COL4A6: variants seen among roughly 807,000 people sequenced by gnomAD.
COL4A6 encodes the protein collagen alpha-6(IV) chain.
In COL4A6, 59 loss-of-function variants were observed where a neutral mutation model predicts 126.7. The ratio of observed to expected loss-of-function variants is 0.47; its 90% CI spans 0.38 to 0.58. The LOEUF (loss-of-function observed/expected upper bound fraction) is 0.58, where lower values mean the gene tolerates loss of function less well. Among genes scored for constraint, COL4A6 ranks in the 20% least tolerant of loss-of-function variants. COL4A6 has a pLI of 0.00. For synonymous variants in COL4A6, 547 were observed against 496.6 expected (o/e 1.10, Z -1.35); for missense variants, 1,285 against 1,337.3 (o/e 0.96, Z 0.61).
intron 2 of COL4A6, among the ~76,000 whole-genome samples, chrX:108,370,934 T>C (rs758722238): frequency 9.0e-6 from 1 of 111,524 alleles, no homozygotes; most frequent in Admixed American, 9.5e-5. Flanking sequence ...ACTGTGCCTT[T>C]GTATGGTCCA....
At chrX:108,437,792 G>T in intron 2 of COL4A6, 150 bp downstream of exon 2, 2 of 593,645 alleles carry the variant, frequency 3.4e-6, no homozygotes, top group East Asian at 3.5e-5. Context: ...TTCCTCTCAA[G>T]AATCTCATTA....
chrX:108,399,261 T>C lies in COL4A6; in HGVS notation c.63+38681A>G, dbSNP rs5973829. 3.4e-3 allele frequency among the ~76,000 whole-genome samples: 378 copies of C among 111,487 alleles called. 2 individuals carry two copies. The highest frequency in any genetic ancestry group is 0.012 in the African/African-American group (365 of 30,754). ...TTTTACGAACTCATTCAGTTTAATT[T>C]AACAAACACGTATGAAATGCCCACT... On this transcript the variant is annotated intron_variant, in intron 2 of 44. Coordinates refer to ENST00000334504, the MANE Select transcript of COL4A6 (RefSeq NM_033641.4).
At chrX:108,436,138 A>T (rs2064263219) in intron 2 of COL4A6, among the ~76,000 whole-genome samples, 1 of 112,623 alleles carries the variant, frequency 8.9e-6, no homozygotes, top group Non-Finnish European at 1.9e-5. Flanking sequence ...AATGTCAAAG[A>T]TATTTTGCAT....
At chrX:108,208,018 G>A (rs1178075821) in intron 8 of COL4A6, among the ~76,000 whole-genome samples, 1 of 111,436 alleles carries the variant, frequency 9.0e-6, no homozygotes, top group Admixed American at 9.5e-5. Context: ...TTTTAAAAAA[G>A]CAAAAGTTAT....
At chrX:108,232,777 T>C (rs141389230) in intron 3 of COL4A6, among the ~76,000 whole-genome samples, 31 of 111,605 alleles carry the variant, frequency 2.8e-4, no homozygotes, top group African/African-American at 4.2e-4. Context: ...ATTTCCTAGG[T>C]TGCTTTGAGC....
intron 2 of COL4A6, among the ~76,000 whole-genome samples, chrX:108,311,198 T>C (rs766288328): frequency 8.9e-6 from 1 of 111,999 alleles, no homozygotes; most frequent in East Asian, 2.8e-4. Flanking sequence ...AAGAAGTAGC[T>C]GTAGCAGATA....
intron 2 of COL4A6, among the ~76,000 whole-genome samples, chrX:108,331,704 G>A (rs931843376): frequency 9.0e-6 from 1 of 111,432 alleles, no homozygotes; most frequent in African/African-American, 3.3e-5. Flanking sequence ...AAGAGATGAC[G>A]TTGCTGTCTA....
intron 2 of COL4A6, among the ~76,000 whole-genome samples, chrX:108,315,412 G>T (rs113456880): frequency 0.012 from 1,364 of 111,461 alleles, 31 homozygotes; most frequent in African/African-American, 0.042. Flanking sequence ...GCTAATTTTT[G>T]TATTTTTAGT....
At chrX:108,228,479 T>C (rs759833678) in intron 3 of COL4A6, among the ~76,000 whole-genome samples, 28 of 112,233 alleles carry the variant, frequency 2.5e-4, no homozygotes, top group Non-Finnish European at 4.5e-4. Context: ...TCAAGGAACA[T>C]TTAAGCTTGT....
intron 2 of COL4A6, among the ~76,000 whole-genome samples, chrX:108,348,590 A>C (rs2039768312): frequency 8.9e-6 from 1 of 112,347 alleles, no homozygotes; most frequent in Non-Finnish European, 1.9e-5. Flanking sequence ...CAAAATAAAA[A>C]CAAACAACTT....
Position 108,179,259 on chromosome X carries a change from G to T in COL4A6, c.2311C>A (p.His771Asn), listed in dbSNP as rs1299280551. ...GEQGLQGLTG[H>N]KGFLGDSGLP... Reference sequence around the variant, plus strand: ...CCAGAGTCTCCAAGAAATCCTTTGTGCCCTGTTAATCCTTGTAGGCCTTGT... The same window carrying T: ...CCAGAGTCTCCAAGAAATCCTTTGTTCCCTGTTAATCCTTGTAGGCCTTGT... Residue 771 changes from histidine (H) to asparagine (N), a missense_variant, in exon 26 of 45, where the codon CAC becomes AAC. By Grantham distance (68) the His-to-Asn change is moderately conservative (BLOSUM62 1). Coordinates refer to ENST00000334504, the MANE Select transcript of COL4A6 (RefSeq NM_033641.4). 1 of 1,211,468 alleles carries T rather than the reference G, an allele frequency of 8.3e-7. No homozygotes were observed.
intron 2 of COL4A6, among the ~76,000 whole-genome samples, chrX:108,384,470 C>T (rs1040578262): frequency 6.2e-5 from 7 of 112,098 alleles, no homozygotes; most frequent in Non-Finnish European, 5.6e-5. Context: ...CTGGGAAGCA[C>T]GTAGGGGAAA....
rs199503045 is a variant in COL4A6 at position 108,377,388 on chromosome X, T to TC, written c.63+60553dup. Among the ~76,000 whole-genome samples, 545 of 109,176 alleles carry TC rather than the reference T, an allele frequency of 5.0e-3. 2 individuals carry two copies. The highest frequency in any genetic ancestry group is 0.035 in the East Asian group (121 of 3,436). 94.8% of individuals were successfully genotyped at this position (109,176 alleles called of 115,157 possible). A position where few individuals can be genotyped will look rare whatever the true frequency, so the allele number is the denominator to read the frequency against. On this transcript the variant is annotated intron_variant, in intron 2 of 44. Coordinates refer to ENST00000334504, the MANE Select transcript of COL4A6 (RefSeq NM_033641.4). ...TCAACTGCAAAGAGGTCTTCCTCTT[T>TC]CTTTTTTTTTTTTATGTGAAAAGAA... is the stretch of plus-strand genomic sequence containing the variant.
At chrX:108,346,046 C>T (rs1272181696) in intron 2 of COL4A6, among the ~76,000 whole-genome samples, 2 of 111,042 alleles carry the variant, frequency 1.8e-5, no homozygotes, top group African/African-American at 3.3e-5. Flanking sequence ...AAACCAGAAA[C>T]ACCCCCGCAC....
At chrX:108,213,822 T>G (rs1473235411) in intron 6 of COL4A6, 5 of 280,282 alleles carry the variant, frequency 1.8e-5, no homozygotes, top group Non-Finnish European at 3.1e-5. Flanking sequence ...AGCCCAAGTG[T>G]GTATTTTGCC....
intron 40 of COL4A6, among the ~76,000 whole-genome samples, chrX:108,164,312 G>C (rs1435204723): frequency 9.0e-6 from 1 of 111,343 alleles, no homozygotes; most frequent in Admixed American, 9.5e-5. Context: ...CAAACGGGTG[G>C]GTGGTGATCT....
At chrX:108,433,825 T>C (rs1389872613) in intron 2 of COL4A6, among the ~76,000 whole-genome samples, 4 of 111,828 alleles carry the variant, frequency 3.6e-5, no homozygotes, top group Admixed American at 2.8e-4. Flanking sequence ...CACCCAGCCA[T>C]ACTTTTAAGA....
At chrX:108,413,479 G>A (rs1023521923) in intron 2 of COL4A6, among the ~76,000 whole-genome samples, 3 of 110,212 alleles carry the variant, frequency 2.7e-5, no homozygotes, top group African/African-American at 9.9e-5. Flanking sequence ...TATTTTTTCT[G>A]ACAGAGTCTC....
At chrX:108,178,441 G>A (rs1230561039) in intron 27 of COL4A6, among the ~76,000 whole-genome samples, 2 of 112,602 alleles carry the variant, frequency 1.8e-5, no homozygotes, top group African/African-American at 6.4e-5. Flanking sequence ...TGGGCATGAG[G>A]CCATGGAGGA....
Sources: allele counts gnomAD v4.1 joint callset (sites outside exome capture counted in the v4.1 genomes callset), GRCh38; gene constraint gnomAD v4.1.1; transcripts MANE v1.5; gene names NCBI Gene and HGNC (gene_info 2026-07-23, HGNC 2026-07-21).